MAGI2: variants seen among roughly 807,000 people sequenced by gnomAD.
MAGI2 encodes the protein membrane associated guanylate kinase, WW and PDZ domain containing 2, also known as membrane-associated guanylate kinase, WW and PDZ domain-containing protein 2.
In MAGI2, 35 loss-of-function variants were observed where a neutral mutation model predicts 133.3. The observed-to-expected ratio is 0.26, with a 90% CI of 0.20 to 0.35. The LOEUF (loss-of-function observed/expected upper bound fraction) is 0.35. Among genes scored for constraint, MAGI2 ranks in the 10% least tolerant of loss-of-function variants. The pLI is 1.00. For synonymous variants in MAGI2, 729 were observed against 710.6 expected, an observed-to-expected ratio of 1.03 and a Z score of -0.41; for missense variants, 1,636 against 1,863.4, an observed-to-expected ratio of 0.88 and a Z score of 2.25.
intron 1 of MAGI2, among the ~76,000 whole-genome samples, chr7:79,417,679 G>T (rs1846628833): frequency 6.6e-6 from 1 of 151,908 alleles, no homozygotes; most frequent in East Asian, 1.9e-4. Context: ...CTGTGATCCT[G>T]GAGTAGGTGC....
At chr7:78,857,861 C>T (rs1439980508) in intron 2 of MAGI2, among the ~76,000 whole-genome samples, 1 of 152,128 alleles carries the variant, frequency 6.6e-6, no homozygotes, top group Non-Finnish European at 1.5e-5. Context: ...TGGTAGAATT[C>T]AACTGTGATT....
intron 2 of MAGI2, among the ~76,000 whole-genome samples, chr7:78,961,065 G>T (rs562212482): frequency 2.0e-5 from 3 of 152,128 alleles, no homozygotes; most frequent in African/African-American, 7.2e-5. Context: ...TTTATTTCAG[G>T]CCTTAGCTCT....
intron 1 of MAGI2, among the ~76,000 whole-genome samples, chr7:79,082,660 C>A (rs986575742): frequency 6.6e-6 from 1 of 151,980 alleles, no homozygotes; most frequent in Non-Finnish European, 1.5e-5. Flanking sequence ...TTTATTTTTA[C>A]TTTTCAAGTT....
intron 9 of MAGI2, among the ~76,000 whole-genome samples, chr7:78,342,364 G>A (rs2151182129): frequency 6.6e-6 from 1 of 152,270 alleles, no homozygotes; most frequent in South Asian, 2.1e-4. Context: ...GTTGGTGGGA[G>A]TGTAAATTGG....
At chr7:79,186,216 A>ATATATATATATT (rs1827097321) in intron 1 of MAGI2, among the ~76,000 whole-genome samples, 1 of 22,774 alleles carries the variant, frequency 4.4e-5, no homozygotes, top group South Asian at 1.4e-3. Flanking sequence ...ATATATATAT[A>ATATATATATATT]TATATATATA....
chr7:79,019,145 AAAC>A lies in MAGI2; in HGVS notation c.302-11942_302-11940del, dbSNP rs554037058. 1.2e-4 allele frequency among the ~76,000 whole-genome samples: 19 copies of A among 152,316 alleles called. 2 individuals carry two copies. In the South Asian group the frequency reaches 3.7e-3, roughly 30 times the overall value. ...AAAGATGACCAAACAGTTGGGCATAAAACAACACTCAGCAAATGAAAAAACCCA... is the reference window on the plus strand; with the variant it reads ...AAAGATGACCAAACAGTTGGGCATAAAACACTCAGCAAATGAAAAAACCCA... On this transcript the variant is annotated intron_variant, in intron 1 of 21. Transcript: ENST00000354212.
At chr7:79,099,942 AT>A (rs773419812) in intron 1 of MAGI2, among the ~76,000 whole-genome samples, 1 of 152,204 alleles carries the variant, frequency 6.6e-6, no homozygotes, top group Non-Finnish European at 1.5e-5. Flanking sequence ...ATTAGCTATT[AT>A]AAATAATTGT....
chr7:78,047,903 A>T (rs3779330), intron 21 of MAGI2, among the ~76,000 whole-genome samples: 1 of 152,120 alleles, frequency 6.6e-6, no homozygotes, highest in African/African-American at 2.4e-5. Flanking sequence ...CCTAAAACCC[A>T]GCTCAGCTCA....
intron 1 of MAGI2, among the ~76,000 whole-genome samples, chr7:79,300,671 CTG>C (rs753573848): frequency 3.3e-5 from 5 of 152,168 alleles, no homozygotes; most frequent in African/African-American, 4.8e-5. Flanking sequence ...TTCAAGCAGA[CTG>C]TGGAGCAATT....
chr7:78,537,276 T>G (rs1330267475), intron 3 of MAGI2, among the ~76,000 whole-genome samples: 1 of 152,134 alleles, frequency 6.6e-6, no homozygotes, highest in Non-Finnish European at 1.5e-5. Context: ...TGTAATATTT[T>G]TGTAATTGCA....
In MAGI2 at chr7:79,231,560, G is replaced by T. The variant is rs1477215300; in HGVS notation, c.301+221460C>A. ...ATTTTATTCTCTTTGAAGCAATTGT[G>T]AATGGGAGTTCACTCATGATTTGGC... On this transcript the variant is annotated intron_variant, in intron 1 of 21. Transcript: ENST00000354212. Among the ~76,000 whole-genome samples, 249 of 93,090 alleles carry T rather than the reference G, an allele frequency of 2.7e-3. 3 individuals are homozygous for T. Among genetic ancestry groups the T allele is most frequent in the African/African-American group, 7.6e-3 (237 of 31,342 alleles). The allele number at this position is 93,090 out of a possible 152,430, so 61.1% of individuals were successfully genotyped here.
At chr7:79,178,971 A>T (rs1260048053) in intron 1 of MAGI2, among the ~76,000 whole-genome samples, 2 of 151,950 alleles carry the variant, frequency 1.3e-5, no homozygotes, top group Non-Finnish European at 2.9e-5. Flanking sequence ...TTGAAGATTT[A>T]GTAAATTATT....
chr7:78,624,564 C>T (rs1385118326), intron 3 of MAGI2, among the ~76,000 whole-genome samples: 3 of 152,132 alleles, frequency 2.0e-5, no homozygotes, highest in Non-Finnish European at 2.9e-5. Flanking sequence ...CCCAACACTG[C>T]ATGTTCTCAC....
intron 9 of MAGI2, among the ~76,000 whole-genome samples, chr7:78,334,496 A>G (rs1183516741): frequency 1.3e-5 from 2 of 152,248 alleles, no homozygotes; most frequent in African/African-American, 4.8e-5. Context: ...GATAAGAAAG[A>G]TAAATGTAAA....
intron 2 of MAGI2, among the ~76,000 whole-genome samples, chr7:78,753,800 A>G (rs945997336): frequency 2.6e-5 from 4 of 152,212 alleles, no homozygotes; most frequent in African/African-American, 7.2e-5. Flanking sequence ...AACACAGAGA[A>G]AAAGACATAT....
chr7:78,024,364 T>C (rs1249654798), intron 21 of MAGI2, among the ~76,000 whole-genome samples: 1 of 152,240 alleles, frequency 6.6e-6, no homozygotes, highest in Non-Finnish European at 1.5e-5. Context: ...TACACTGGTA[T>C]ATCCATCTGC....
chr7:78,215,632 T>A (rs67301464), intron 10 of MAGI2, among the ~76,000 whole-genome samples: 1 of 152,202 alleles, frequency 6.6e-6, no homozygotes, highest in Admixed American at 6.5e-5. Flanking sequence ...GATCAACTGC[T>A]GCCTGGAGTG....
intron 2 of MAGI2, among the ~76,000 whole-genome samples, chr7:78,649,237 A>AAAAAAAAAAAAAAG (rs1563294737): frequency 4.6e-5 from 3 of 65,484 alleles, no homozygotes; most frequent in South Asian, 4.1e-4. Flanking sequence ...AAAAAAAAAG[A>AAAAAAAAAAAAAAG]AAAAAAAAGA....
chr7:78,305,684 A>C (rs1798194638), intron 9 of MAGI2, among the ~76,000 whole-genome samples: 1 of 151,806 alleles, frequency 6.6e-6, no homozygotes, highest in South Asian at 2.1e-4. Flanking sequence ...TAGAAGGGCA[A>C]CTCCCTTTGC....
Sources: gnomAD v4.1 joint callset for allele counts (sites outside exome capture counted in the v4.1 genomes callset) on GRCh38, gnomAD v4.1.1 for gene constraint, MANE v1.5 for transcripts, NCBI Gene and HGNC (gene_info 2026-07-23, HGNC 2026-07-21) for gene names.